Variants in BEST1 observed in about 807,000 individuals in gnomAD.
BEST1 encodes bestrophin-1.
Under a neutral mutation model 63.3 loss-of-function variants are expected in BEST1, and 58 were observed. The ratio of observed to expected loss-of-function variants is 0.92; its 90% CI spans 0.74 to 1.14. The LOEUF (loss-of-function observed/expected upper bound fraction) is 1.14. Ranked by LOEUF, BEST1 falls within the 50% of genes most tolerant of loss-of-function variation. BEST1 has a pLI of 0.00. For synonymous variants in BEST1, 283 were observed against 291.6 expected (o/e 0.97, Z 0.30); for missense variants, 671 against 740.1 (o/e 0.91, Z 1.08).
chr11:61,962,125 C>CA, intron 9 of BEST1, 130 bp from the exon 10 acceptor site: 1 of 896,746 alleles, frequency 1.1e-6, no homozygotes, highest in South Asian at 1.5e-5. Flanking sequence ...AGAGCTGGGG[C>CA]ATGGTGAGGA....
chr11:61,964,211 G>C lies in BEST1; in HGVS notation c.*89G>C. On this transcript the variant is annotated 3_prime_UTR_variant, in exon 11 of 11. Coordinates refer to ENST00000378043, the MANE Select transcript of BEST1 (RefSeq NM_004183.4). ...CTGATCCAGTCACAGCCATACAGCTGTCCACACTGAAGAACATGTCCTACA... is the reference window on the plus strand; with the variant it reads ...CTGATCCAGTCACAGCCATACAGCTCTCCACACTGAAGAACATGTCCTACA... 6 of 1,602,902 alleles carry C rather than the reference G, an allele frequency of 3.7e-6. No homozygotes were observed. The highest frequency in any genetic ancestry group is 5.1e-6 in the Non-Finnish European group (6 of 1,175,376).
chr11:61,950,069 G>A (rs1940499574), upstream of BEST1: 1 of 152,828 alleles, frequency 6.5e-6, no homozygotes, highest in Non-Finnish European at 1.5e-5. Flanking sequence ...GGCCTCAGGG[G>A]TCAGAACACT....
At chr11:61,959,683 C>A (rs763540077) in intron 8 of BEST1, 105 bp downstream of exon 8, 1 of 1,360,192 alleles carries the variant, frequency 7.4e-7, no homozygotes, top group Non-Finnish European at 1.0e-6. Context: ...ATGATCAACC[C>A]TTCCCCTCCT....
chr11:61,956,243 C>T (rs888777955), intron 4 of BEST1, among the ~76,000 whole-genome samples: 44 of 152,160 alleles, frequency 2.9e-4, no homozygotes, highest in African/African-American at 1.0e-3. Context: ...TGGTGAGGTA[C>T]TAGGGTCTAC....
At chr11:61,964,473 AG>A (rs2134482582), downstream of BEST1, 1 of 615,378 alleles carries the variant, frequency 1.6e-6, no homozygotes, top group South Asian at 2.0e-5. Flanking sequence ...CTTTTTGATT[AG>A]TGTGATTAGA....
intron 1 of BEST1, among the ~76,000 whole-genome samples, chr11:61,950,867 G>A (rs1368964196): frequency 6.6e-6 from 1 of 152,174 alleles, no homozygotes; most frequent in Non-Finnish European, 1.5e-5. Context: ...GGATGGTTGG[G>A]AACATCCTTT....
chr11:61,963,529 T>G (rs1041794872), intron 10 of BEST1: 1 of 1,033,240 alleles, frequency 9.7e-7, no homozygotes, highest in African/African-American at 1.7e-5. Flanking sequence ...TCCTGGACAC[T>G]TTCACCCAAT....
At position 61,961,797 on chromosome 11, in the gene BEST1, C is replaced by A. The variant is rs560664213; in HGVS notation, c.1101-458C>A. On this transcript the variant is annotated intron_variant, in intron 9 of 10. Transcript: ENST00000378043. The stretch of plus-strand genomic sequence containing the variant: ...TCCCTTGCAGGGTAAAGGTCTGGGG[C>A]TCCCGGGATGCCTGTTGCTAGGAAG... 27 of 202,058 alleles carry A rather than the reference C, an allele frequency of 1.3e-4. No homozygotes were observed. The South Asian group carries it at 2.2e-3, about 16-fold the overall frequency. The allele number at this position is 202,058 out of a possible 1,614,324, so 12.5% of individuals were successfully genotyped here.
rs1565386386 is a variant in BEST1, at chr11:61,955,087, A to ACCCCCCCCCCCCCCC, written c.153-15_153-14insCCCCCCCCCCCCCCC. The ACCCCCCCCCCCCCCC allele has an allele frequency of 1.1e-5, 11 of 1,042,070 alleles. No homozygotes were observed. The highest frequency in any genetic ancestry group is 5.1e-5 in the Admixed American group (3 of 58,282). The allele number at this position is 1,042,070 out of a possible 1,614,324, so 64.6% of individuals were successfully genotyped here. A position where few individuals can be genotyped will look rare whatever the true frequency, so the allele number is the denominator to read the frequency against. On this transcript the variant is annotated intron_variant, in intron 2 of 10. Transcript: ENST00000378043. ...CTCCTCGCTGCGTCCACACAATTCCACCCCCACCCCCACCCCCAGGCTGGC... is the reference window on the plus strand; with the variant it reads ...CTCCTCGCTGCGTCCACACAATTCCACCCCCCCCCCCCCCCCCCCCACCCCCACCCCCAGGCTGGC...
At chr11:61,957,309 C>A in intron 5 of BEST1, 78 bp from the exon 6 acceptor site, 1 of 1,335,526 alleles carries the variant, frequency 7.5e-7, no homozygotes, top group Non-Finnish European at 1.1e-6. Context: ...GGCCCTGGTA[C>A]CTGGAGAAGA....
At chr11:61,963,277 G>A (rs1478027641) in intron 10 of BEST1, 2 of 1,370,230 alleles carry the variant, frequency 1.5e-6, no homozygotes, top group Admixed American at 3.2e-5. Flanking sequence ...CCATGAGGTG[G>A]CAGTCAGCTG....
intron 1 of BEST1, among the ~76,000 whole-genome samples, chr11:61,951,385 T>C (rs1210845225): frequency 6.6e-6 from 1 of 152,034 alleles, no homozygotes; most frequent in Non-Finnish European, 1.5e-5. Flanking sequence ...TTTTTTGTAT[T>C]TTTAGTAGAG....
chr11:61,957,339 T>C lies in BEST1; in HGVS notation c.637-48T>C, dbSNP rs1941481787. On this transcript the variant is annotated intron_variant, in intron 5 of 10. Coordinates refer to ENST00000378043, the MANE Select transcript of BEST1 (RefSeq NM_004183.4). ...AGAAGAGGTGGGGGCGAGCCCAGGG[T>C]GGGGGCAGGTGGTGTTCAGAACCCC... is the stretch of plus-strand genomic sequence containing the variant. The C allele has an allele frequency of 1.9e-6, 3 of 1,542,704 alleles. No homozygotes were observed. In the South Asian group the frequency reaches 3.3e-5, roughly 17 times the overall value.
rs1258220744 is a variant in BEST1 at position 61,964,152 on chromosome 11, C to T, written c.*30C>T. On this transcript the variant is annotated 3_prime_UTR_variant, in exon 11 of 11. Coordinates refer to ENST00000378043, the MANE Select transcript of BEST1 (RefSeq NM_004183.4). ...CTTCCTAATGGGGATGCTTCGCCAG[C>T]CAGGTCCTCACCTGTGTGTACACCA... 4 of 1,613,640 alleles carry T rather than the reference C, an allele frequency of 2.5e-6. No homozygotes were observed. In the East Asian group the frequency reaches 6.7e-5, roughly 27 times the overall value.
Position 61,957,494 on chromosome 11 carries a change from T to G in BEST1, c.714+30T>G, listed in dbSNP as rs768476612. On this transcript the variant is annotated intron_variant, in intron 6 of 10. Coordinates refer to ENST00000378043, the MANE Select transcript of BEST1 (RefSeq NM_004183.4). ...GGACTAGGCTGGTGAGGCTGCCCTT[T>G]TGGGAAACTGAGGCTAGAAGGACCA... 33 of 1,605,502 alleles carry G rather than the reference T, an allele frequency of 2.1e-5. No individual in the cohort carries two copies. In the African/African-American group the frequency reaches 4.0e-4, roughly 20 times the overall value.
At chr11:61,957,614 TG>T (rs1941525877) in intron 6 of BEST1, 150 bp downstream of exon 6, 2 of 766,630 alleles carry the variant, frequency 2.6e-6, no homozygotes, top group Non-Finnish European at 4.6e-6. Context: ...GACTTTGAAG[TG>T]CCAAGTTCTA....
chr11:61,954,947 A>G (rs769069429), intron 2 of BEST1, 160 bp from the exon 3 acceptor site: 38 of 985,254 alleles, frequency 3.9e-5, no homozygotes, highest in Admixed American at 6.2e-5. Flanking sequence ...AAGGAGCATC[A>G]TGGACCTGGC....
intron 10 of BEST1, chr11:61,963,138 GA>G: frequency 6.9e-7 from 1 of 1,457,198 alleles, no homozygotes; most frequent in Non-Finnish European, 9.1e-7. Context: ...GGGACCAGGT[GA>G]AGGAAGATGA....
intron 2 of BEST1, 46 bp downstream of exon 2, chr11:61,952,004 T>G: frequency 6.2e-7 from 1 of 1,606,628 alleles, no homozygotes; most frequent in African/African-American, 1.3e-5. Flanking sequence ...AGGATGTGGC[T>G]GGGGCTGGGA....
Sources: allele counts gnomAD v4.1 joint callset (sites outside exome capture counted in the v4.1 genomes callset), GRCh38; gene constraint gnomAD v4.1.1; transcripts MANE v1.5; gene names NCBI Gene and HGNC (gene_info 2026-07-23, HGNC 2026-07-21).